Variants in KLHL29 observed in about 807,000 individuals in gnomAD.
KLHL29 encodes kelch-like protein 29.
In KLHL29, 21 loss-of-function variants were observed where a neutral mutation model predicts 80.4. That is an observed-to-expected ratio of 0.26 (90% CI 0.19 to 0.38). The LOEUF (loss-of-function observed/expected upper bound fraction) is 0.38, where lower values mean the gene tolerates loss of function less well. Among genes scored for constraint, KLHL29 ranks in the 10% least tolerant of loss-of-function variants. The probability of loss-of-function intolerance (pLI) is 1.00; values close to 1 mark genes in which losing one functional copy is unlikely to be tolerated. For synonymous variants in KLHL29, 511 were observed against 526.8 expected, an observed-to-expected ratio of 0.97 and a Z score of 0.41; for missense variants, 867 against 1,223.9, an observed-to-expected ratio of 0.71 and a Z score of 4.35.
At chr2:23,468,360 C>G (rs1423719946) in intron 1 of KLHL29, among the ~76,000 whole-genome samples, 4 of 152,096 alleles carry the variant, frequency 2.6e-5, no homozygotes, top group African/African-American at 9.7e-5. Flanking sequence ...CTGTGCAGAC[C>G]AGGAGTGAGG....
At chr2:23,612,665 C>T (rs909743063) in intron 3 of KLHL29, among the ~76,000 whole-genome samples, 4 of 152,062 alleles carry the variant, frequency 2.6e-5, no homozygotes, top group African/African-American at 9.7e-5. Flanking sequence ...ATTCTTGAAC[C>T]CGGGAGGCTG....
rs1670719302 is a variant in KLHL29 at position 23,670,976 on chromosome 2, CTCT to C, written c.941-13422_941-13420del. Among the ~76,000 whole-genome samples, 12 of 19,838 alleles carry C rather than the reference CTCT, an allele frequency of 6.0e-4. 1 individual carries two copies. The highest frequency in any genetic ancestry group is 1.1e-3 in the Non-Finnish European group (8 of 7,490). The allele number at this position is 19,838 out of a possible 152,430, so 13.0% of individuals were successfully genotyped here. On this transcript the variant is annotated intron_variant, in intron 5 of 13. Transcript: ENST00000486442. ...TCTCTCTCTCTCTCTCTCTCTCTCTCTCTCCCTCCCTCCCTCCCTCCCTCCCCC... is the reference window on the plus strand; with the variant it reads ...TCTCTCTCTCTCTCTCTCTCTCTCTCCCCTCCCTCCCTCCCTCCCTCCCCC...
At chr2:23,472,124 G>A (rs1664509524) in intron 1 of KLHL29, among the ~76,000 whole-genome samples, 1 of 149,762 alleles carries the variant, frequency 6.7e-6, no homozygotes, top group Non-Finnish European at 1.5e-5. Context: ...TAACTGCAAG[G>A]CGTGGGGGTT....
At chr2:23,434,116 T>C (rs1663266148) in intron 1 of KLHL29, among the ~76,000 whole-genome samples, 1 of 151,630 alleles carries the variant, frequency 6.6e-6, no homozygotes, top group Non-Finnish European at 1.5e-5. Flanking sequence ...GGTCAGGAGA[T>C]CGAGACCATC....
At chr2:23,447,447 T>C (rs1572519647) in intron 1 of KLHL29, among the ~76,000 whole-genome samples, 1 of 152,248 alleles carries the variant, frequency 6.6e-6, no homozygotes, top group Non-Finnish European at 1.5e-5. Flanking sequence ...CCTTGCTTCC[T>C]GCTTCATCAA....
chr2:23,586,222 A>G (rs1668113972), intron 3 of KLHL29, among the ~76,000 whole-genome samples: 1 of 152,104 alleles, frequency 6.6e-6, no homozygotes, highest in South Asian at 2.1e-4. Context: ...AAAGTGTACA[A>G]TTCAGGGGTG....
At chr2:23,692,984 G>T in intron 7 of KLHL29, among the ~76,000 whole-genome samples, 1 of 152,184 alleles carries the variant, frequency 6.6e-6, no homozygotes, top group East Asian at 1.9e-4. Context: ...CAGGCTCTGA[G>T]CAGGGCTCTC....
intron 2 of KLHL29, among the ~76,000 whole-genome samples, chr2:23,519,763 T>A (rs750102815): frequency 1.4e-4 from 21 of 152,118 alleles, no homozygotes; most frequent in Admixed American, 1.4e-3. Flanking sequence ...GTATATCGGT[T>A]CTGTCTGGAA....
intron 5 of KLHL29, among the ~76,000 whole-genome samples, chr2:23,661,679 G>A (rs1236098242): frequency 6.6e-6 from 1 of 152,270 alleles, no homozygotes; most frequent in East Asian, 1.9e-4. Context: ...CACTTGTCCT[G>A]GGAAGAATCT....
intron 5 of KLHL29, among the ~76,000 whole-genome samples, chr2:23,659,740 C>T (rs1670351970): frequency 1.3e-5 from 2 of 152,112 alleles, no homozygotes; most frequent in African/African-American, 4.8e-5. Context: ...TCATCCAGCC[C>T]ACCAGGCTTC....
chr2:23,526,291 GA>G (rs200430394), intron 2 of KLHL29, among the ~76,000 whole-genome samples: 364 of 152,230 alleles, frequency 2.4e-3, no homozygotes, highest in Non-Finnish European at 4.0e-3. Context: ...CGTCACAGGG[GA>G]GGGGAAACCA....
chr2:23,466,564 C>T (rs1664359998), intron 1 of KLHL29, among the ~76,000 whole-genome samples: 1 of 152,286 alleles, frequency 6.6e-6, no homozygotes, highest in South Asian at 2.1e-4. Context: ...AAAGGAGGCT[C>T]TCCCCTACCG....
rs181814342 is a variant in KLHL29, at chr2:23,629,193, G to A, written c.286-9946G>A. Among the ~76,000 whole-genome samples, 778 of 152,094 alleles carry A rather than the reference G, an allele frequency of 5.1e-3. 5 individuals are homozygous for A. The highest frequency in any genetic ancestry group is 0.017 in the African/African-American group (713 of 41,514). Reference sequence around the variant, plus strand: ...CCCCGCTCTGTGAGAGGTGCCCCTCGCGCTCCTCCACGTCCCTGTCTGTCC... The same window carrying A: ...CCCCGCTCTGTGAGAGGTGCCCCTCACGCTCCTCCACGTCCCTGTCTGTCC... On this transcript the variant is annotated intron_variant, in intron 3 of 13. Transcript: ENST00000486442.
chr2:23,463,214 GT>G (rs1182137497), intron 1 of KLHL29, among the ~76,000 whole-genome samples: 1 of 138,710 alleles, frequency 7.2e-6, no homozygotes, highest in African/African-American at 2.7e-5. Context: ...TGAAGCAGGT[GT>G]TTTTGGCTTT....
At chr2:23,629,099 G>T (rs1205924604) in intron 3 of KLHL29, among the ~76,000 whole-genome samples, 3 of 152,336 alleles carry the variant, frequency 2.0e-5, no homozygotes, top group East Asian at 1.9e-4. Flanking sequence ...TGAGCAGGAC[G>T]GGCCGCTACA....
chr2:23,502,446 C>A (rs1488864428), intron 2 of KLHL29, among the ~76,000 whole-genome samples: 1 of 152,248 alleles, frequency 6.6e-6, no homozygotes, highest in Non-Finnish European at 1.5e-5. Context: ...CAGCTCTCCC[C>A]ACACCTACCA....
chr2:23,486,012 A>G (rs149942215), intron 2 of KLHL29, among the ~76,000 whole-genome samples: 2 of 152,262 alleles, frequency 1.3e-5, no homozygotes, highest in African/African-American at 2.4e-5. Flanking sequence ...AGGTGTCGGC[A>G]TGCCCACCTC....
At chr2:23,522,940 T>A (rs1666151824) in intron 2 of KLHL29, among the ~76,000 whole-genome samples, 1 of 152,160 alleles carries the variant, frequency 6.6e-6, no homozygotes, top group Non-Finnish European at 1.5e-5. Flanking sequence ...AGTGCCCTGA[T>A]TGCGTTCCCT....
intron 2 of KLHL29, among the ~76,000 whole-genome samples, chr2:23,482,404 G>A (rs968341456): frequency 5.3e-5 from 8 of 152,332 alleles, no homozygotes; most frequent in African/African-American, 1.2e-4. Context: ...TGTGTCCTCC[G>A]TGAGGGCACC....
Sources: gnomAD v4.1 joint callset for allele counts (sites outside exome capture counted in the v4.1 genomes callset) on GRCh38, gnomAD v4.1.1 for gene constraint, MANE v1.5 for transcripts, NCBI Gene and HGNC (gene_info 2026-07-23, HGNC 2026-07-21) for gene names.